Variants in ACACB observed in about 807,000 individuals in gnomAD.
ACACB encodes the protein acetyl-CoA carboxylase 2.
Under a neutral mutation model 278.8 loss-of-function variants are expected in ACACB, and 209 were observed. That is an observed-to-expected ratio of 0.75 (90% confidence interval 0.67 to 0.84). The LOEUF (loss-of-function observed/expected upper bound fraction) is 0.84. Ranked by LOEUF, ACACB falls within the 40% of genes least tolerant of loss-of-function variation. The pLI is 0.00. For missense variants in ACACB, 2,850 were observed against 3,269.0 expected (o/e 0.87, Z 3.13); for synonymous variants, 1,174 against 1,285.6 (o/e 0.91, Z 1.86).
At chr12:109,181,968 T>G (rs1035798039) in intron 11 of ACACB, among the ~76,000 whole-genome samples, 1 of 149,452 alleles carries the variant, frequency 6.7e-6, no homozygotes, top group African/African-American at 2.5e-5. Context: ...CTCAGCCTCC[T>G]GAGTAGCTGG....
rs754070932 is a variant in ACACB at position 109,258,374 on chromosome 12, C to T, written c.6360+10C>T. On this transcript the variant is annotated intron_variant, in intron 46 of 52. Coordinates refer to ENST00000338432, the MANE Select transcript of ACACB (RefSeq NM_001093.4). Reference sequence around the variant, plus strand: ...GGATTCTGAGGCCAAGGTGAGGGGGCCGGGAGCTGTGGCTGCTGGTTTAGC... The same window carrying T: ...GGATTCTGAGGCCAAGGTGAGGGGGTCGGGAGCTGTGGCTGCTGGTTTAGC... 1 of 1,606,834 alleles carries T rather than the reference C, an allele frequency of 6.2e-7. No homozygotes were observed. Among genetic ancestry groups the T allele is most frequent in the South Asian group, 1.1e-5 (1 of 89,854 alleles).
intron 25 of ACACB, 66 bp from the exon 26 acceptor site, chr12:109,222,733 C>A: frequency 6.5e-7 from 1 of 1,546,752 alleles, no homozygotes; most frequent in Non-Finnish European, 8.9e-7. Flanking sequence ...CCGGCCCGTG[C>A]CCGAGCCTCT....
At position 109,209,966 on chromosome 12, in the gene ACACB, TAC is replaced by T. The variant is rs1159888412; in HGVS notation, c.3249+619_3249+620del. ...ACACACGTGTGTGTATATATGTGTA[TAC>T]ACACATACACACACGTGTGTGTATA... On this transcript the variant is annotated intron_variant, in intron 21 of 52. Coordinates refer to ENST00000338432, the MANE Select transcript of ACACB (RefSeq NM_001093.4). Among the ~76,000 whole-genome samples, 16 of 94,304 alleles carry T rather than the reference TAC, an allele frequency of 1.7e-4. 3 individuals carry two copies. The highest frequency in any genetic ancestry group is 7.0e-4 in the African/African-American group (15 of 21,280). 61.9% of individuals were successfully genotyped at this position (94,304 alleles called of 152,430 possible).
intron 19 of ACACB, among the ~76,000 whole-genome samples, chr12:109,203,822 C>G (rs1259601535): frequency 6.6e-6 from 1 of 152,204 alleles, no homozygotes; most frequent in Non-Finnish European, 1.5e-5. Flanking sequence ...TCGATGTCCA[C>G]TGTTGTGATC....
chr12:109,184,729 T>C (rs938161590), intron 11 of ACACB, among the ~76,000 whole-genome samples: 4 of 150,588 alleles, frequency 2.7e-5, no homozygotes, highest in Non-Finnish European at 4.4e-5. Context: ...TTTTTGGTGA[T>C]GGAGTCTCGC....
At chr12:109,116,378 A>G (rs1219883038), upstream of ACACB, among the ~76,000 whole-genome samples, 1 of 152,214 alleles carries the variant, frequency 6.6e-6, no homozygotes. Context: ...CATGGCTTCA[A>G]CAGCTAAGAA....
chr12:109,196,892 G>A, intron 16 of ACACB, 116 bp from the exon 17 acceptor site: 3 of 1,209,802 alleles, frequency 2.5e-6, no homozygotes, highest in Non-Finnish European at 3.3e-6. Context: ...AGACGGGGGT[G>A]TTCATCTTGG....
At chr12:109,136,767 CT>C (rs1285437805) in intron 1 of ACACB, among the ~76,000 whole-genome samples, 13 of 152,260 alleles carry the variant, frequency 8.5e-5, no homozygotes, top group Middle Eastern at 3.4e-3. Flanking sequence ...CTGGCACTTT[CT>C]ACATATAGGA....
chr12:109,191,782 G>C lies in ACACB; in HGVS notation c.2295+19G>C, dbSNP rs370371428. 5.6e-6 allele frequency: 9 copies of C among 1,614,154 alleles called. No homozygotes were observed. Among genetic ancestry groups the C allele is most frequent in the Non-Finnish European group, 7.6e-6 (9 of 1,180,016 alleles). Reference sequence around the variant, plus strand: ...AGTGCAGGTAGGGAGTGAGCTGCCTGTGTCTCCCCTCTGGATGGCCGAGAC... The same window carrying C: ...AGTGCAGGTAGGGAGTGAGCTGCCTCTGTCTCCCCTCTGGATGGCCGAGAC... On this transcript the variant is annotated intron_variant, in intron 14 of 52. Coordinates refer to ENST00000338432, the MANE Select transcript of ACACB (RefSeq NM_001093.4).
chr12:109,132,444 T>C (rs888547409), intron 1 of ACACB, among the ~76,000 whole-genome samples: 1 of 152,062 alleles, frequency 6.6e-6, no homozygotes, highest in African/African-American at 2.4e-5. Context: ...GGATTACAGG[T>C]GTGAGCCATC....
intron 45 of ACACB, 43 bp from the exon 46 acceptor site, chr12:109,258,225 G>T: frequency 6.6e-7 from 1 of 1,526,036 alleles, no homozygotes; most frequent in South Asian, 1.2e-5. Flanking sequence ...AAATGCACCT[G>T]GGGTGCTGCC....
At chr12:109,142,412 T>C (rs1217451577) in intron 2 of ACACB, among the ~76,000 whole-genome samples, 1 of 152,142 alleles carries the variant, frequency 6.6e-6, no homozygotes, top group Non-Finnish European at 1.5e-5. Flanking sequence ...ATTTGGTAGA[T>C]AATAAATAGA....
At chr12:109,205,499 G>A (rs1017293824) in intron 19 of ACACB, among the ~76,000 whole-genome samples, 2 of 151,862 alleles carry the variant, frequency 1.3e-5, no homozygotes, top group African/African-American at 4.8e-5. Context: ...ACCCAGGCTG[G>A]AGTGCAATGG....
intron 6 of ACACB, 150 bp downstream of exon 6, chr12:109,172,506 A>G: frequency 3.1e-6 from 2 of 648,554 alleles, no homozygotes; most frequent in South Asian, 4.2e-5. Flanking sequence ...AGTGAGTCCC[A>G]GGGTGGAAGG....
At chr12:109,210,467 A>G (rs1214433060) in intron 21 of ACACB, among the ~76,000 whole-genome samples, 4 of 147,344 alleles carry the variant, frequency 2.7e-5, no homozygotes, top group Admixed American at 6.8e-5. Context: ...ATATATACGC[A>G]CATACATGTG....
At chr12:109,244,740 G>A (rs561650272) in intron 37 of ACACB, among the ~76,000 whole-genome samples, 2 of 152,034 alleles carry the variant, frequency 1.3e-5, no homozygotes, top group Non-Finnish European at 2.9e-5. Context: ...TTACAGGCAT[G>A]AGCCACCACA....
At chr12:109,205,232 G>T (rs1277441846) in intron 19 of ACACB, among the ~76,000 whole-genome samples, 1 of 152,176 alleles carries the variant, frequency 6.6e-6, no homozygotes, top group African/African-American at 2.4e-5. Context: ...CTGGGTACCT[G>T]CACTGTGATT....
Position 109,245,626 on chromosome 12 carries a change from G to C in ACACB, c.5179G>C (p.Ala1727Pro). 1 of 1,612,944 alleles carries C rather than the reference G, an allele frequency of 6.2e-7. No individual in the cohort carries two copies. Among genetic ancestry groups the C allele is most frequent in the Non-Finnish European group, 8.5e-7 (1 of 1,179,600 alleles). The change falls in exon 38 of 53, where the codon GCT becomes CCT. Residue 1727 changes from alanine to proline, a missense_variant and splice_region_variant. Transcript: ENST00000338432. ...IYDFPEMFRQ[A>P]LFKLWGSPDK... ...TTTCTCTTTCCTCTTCTCTCCCCAG[G>C]CTCTCTTTAAACTGTGGGGCTCCCC...
At position 109,213,054 on chromosome 12, in the gene ACACB, A is replaced by G. The variant is rs1191747169; in HGVS notation, c.3350+118A>G. ...GGCTTGAACTGAGAGAAAGTGTGTT[A>G]TAGTCCTGCAGTGCCATTACTAACA... On this transcript the variant is annotated intron_variant, in intron 22 of 52. Coordinates refer to ENST00000338432, the MANE Select transcript of ACACB (RefSeq NM_001093.4). 9 of 809,658 alleles carry G rather than the reference A, an allele frequency of 1.1e-5. No homozygotes were observed. In the East Asian group the frequency reaches 2.3e-4, roughly 21 times the overall value. The allele number at this position is 809,658 out of a possible 1,614,324, so 50.2% of individuals were successfully genotyped here. A position where few individuals can be genotyped will look rare whatever the true frequency, so the allele number is the denominator to read the frequency against.
Sources: gnomAD v4.1 joint callset for allele counts (sites outside exome capture counted in the v4.1 genomes callset) on GRCh38, gnomAD v4.1.1 for gene constraint, MANE v1.5 for transcripts, NCBI Gene and HGNC (gene_info 2026-07-23, HGNC 2026-07-21) for gene names.